The following MACF1 variants were observed in gnomAD, a reference collection of about 807,000 sequenced individuals.
The protein encoded by MACF1 is microtubule-actin cross-linking factor 1.
Under a neutral mutation model 854.8 loss-of-function variants are expected in MACF1, and 193 were observed. That is an observed-to-expected ratio of 0.23 (90% CI 0.20 to 0.25). MACF1 has a LOEUF of 0.25. Among genes scored for constraint, MACF1 ranks in the 10% least tolerant of loss-of-function variants. The pLI is 1.00. For missense variants in MACF1, 7,722 were observed against 8,929.1 expected, an observed-to-expected ratio of 0.86 and a Z score of 5.45; for synonymous variants, 3,185 against 3,226.7, an observed-to-expected ratio of 0.99 and a Z score of 0.44.
At chr1:39,414,775 C>T (rs541865313) in intron 58 of MACF1, among the ~76,000 whole-genome samples, 3 of 152,122 alleles carry the variant, frequency 2.0e-5, no homozygotes, top group Non-Finnish European at 4.4e-5. Flanking sequence ...AGGAAAGGGT[C>T]ATTCTGTTTT....
At chr1:39,240,688 A>G (rs975024302) in intron 2 of MACF1, among the ~76,000 whole-genome samples, 2 of 152,138 alleles carry the variant, frequency 1.3e-5, no homozygotes, top group South Asian at 2.1e-4. Context: ...AGTAGAGAAC[A>G]GGGTTTCTTC....
intron 44 of MACF1, 48 bp downstream of exon 44, chr1:39,353,279 C>A (rs377502217): frequency 7.0e-7 from 1 of 1,425,002 alleles, no homozygotes; most frequent in Non-Finnish European, 9.6e-7. Flanking sequence ...TCTCTCCTGC[C>A]CTGAGCAAGT....
At chr1:39,088,734 G>A (rs1347810906) in intron 2 of MACF1, among the ~76,000 whole-genome samples, 1 of 152,210 alleles carries the variant, frequency 6.6e-6, no homozygotes, top group Non-Finnish European at 1.5e-5. Flanking sequence ...TATCCCTTGG[G>A]ACCTGTGGGG....
At chr1:39,412,007 C>T (rs1205551544) in intron 58 of MACF1, 1 of 1,614,008 alleles carries the variant, frequency 6.2e-7, no homozygotes, top group Non-Finnish European at 8.5e-7. Context: ...AGCCCCAGGA[C>T]TGCAGAATTT....
rs760322027 is a variant in MACF1 at position 39,292,761 on chromosome 1, A to T, written c.1915-5A>T. ...TGTATTTTTATTTCATTCTTTTTTA[A>T]TCAGGGAAAGATGTCCCAGAATTTC... On this transcript the variant is annotated splice_polypyrimidine_tract_variant and splice_region_variant and intron_variant, in intron 16 of 100. Transcript: ENST00000564288. 3 of 1,601,010 alleles carry T rather than the reference A, an allele frequency of 1.9e-6. No individual in the cohort carries two copies. The highest frequency in any genetic ancestry group is 1.1e-5 in the South Asian group (1 of 89,848).
intron 84 of MACF1, 83 bp from the exon 85 acceptor site, chr1:39,450,969 A>T (rs963825204): frequency 4.1e-6 from 6 of 1,470,274 alleles, no homozygotes; most frequent in Non-Finnish European, 5.6e-6. Flanking sequence ...GGTTCAAGCA[A>T]TATTCCCTTT....
intron 2 of MACF1, among the ~76,000 whole-genome samples, chr1:39,140,941 AAAGT>A (rs1488521925): frequency 6.7e-6 from 1 of 149,046 alleles, no homozygotes; most frequent in African/African-American, 2.5e-5. Context: ...AAAAAAAAAA[AAAGT>A]GCCAGTCACT....
At chr1:39,197,943 A>C (rs898108303) in intron 2 of MACF1, among the ~76,000 whole-genome samples, 3 of 152,008 alleles carry the variant, frequency 2.0e-5, no homozygotes, top group Admixed American at 6.6e-5. Context: ...CATGTCTATA[A>C]TCCCTGCACT....
chr1:39,443,472 A>T lies in MACF1; in HGVS notation c.19329A>T (p.Glu6443Asp). ...QQAQGFHSEI[E>D]DFLLELTRME... is the part of the protein sequence containing the mutation. ...CCCAGGGCTTCCACAGTGAAATTGA[A>T]GATTTCCTCTTGGAACTTACTAGAA... Residue 6443 changes from glutamate to aspartate, a missense_variant, in exon 79 of 101, where the codon GAA becomes GAT. Glu to Asp is a conservative substitution (Grantham distance 45). This residue lies in a region of MACF1 where 729 missense variants were observed against 900.5 expected (regional missense o/e 0.81). Transcript: ENST00000564288. 6.2e-7 allele frequency: 1 copy of T among 1,613,272 alleles called. No individual in the cohort carries two copies. The highest frequency in any genetic ancestry group is 8.5e-7 in the Non-Finnish European group (1 of 1,179,758).
chr1:39,336,009 A>G lies in MACF1; in HGVS notation c.9421A>G (p.Arg3141Gly), dbSNP rs145862378. Reference protein sequence around the residue: ...KTDKSFQGTTRQETNYQDSWV... With the variant: ...KTDKSFQGTTGQETNYQDSWV... ...AGACAAGTCTTTCCAAGGAACCACC[A>G]GACAGGAGACCAACTATCAAGATTC... is the stretch of plus-strand genomic sequence containing the variant. The change falls in exon 37 of 101, where the codon AGA (arginine) becomes GGA (glycine). Residue 3141 changes from arginine to glycine, a missense_variant. Around this residue, in one of 15 missense-constraint regions of MACF1, gnomAD observed 854 missense variants for 852.6 expected, o/e 1.00. Coordinates refer to ENST00000564288, the MANE Select transcript of MACF1 (RefSeq NM_001394062.1). 5.8e-4 allele frequency: 930 copies of G among 1,614,208 alleles called. No homozygotes were observed. The highest frequency in any genetic ancestry group is 1.5e-3 in the Admixed American group (92 of 60,024).
At chr1:39,168,834 G>C (rs780245112) in intron 2 of MACF1, among the ~76,000 whole-genome samples, 1 of 152,104 alleles carries the variant, frequency 6.6e-6, no homozygotes, top group Non-Finnish European at 1.5e-5. Flanking sequence ...TCTGTGTGTT[G>C]TACAGGCTGG....
intron 58 of MACF1, among the ~76,000 whole-genome samples, chr1:39,400,459 T>C (rs1642432883): frequency 6.6e-6 from 1 of 152,126 alleles, no homozygotes; most frequent in Non-Finnish European, 1.5e-5. Flanking sequence ...TATCTAGACA[T>C]ATAAATTAGA....
In MACF1 at chr1:39,245,283, A is replaced by G. The variant is rs1352301462; in HGVS notation, c.172-4731A>G. ...CACTTGGTCCTCAAGACCAACTGCA[A>G]TTTATTTTTATTATTATTATTTTTG... On this transcript the variant is annotated intron_variant, in intron 2 of 100. Transcript: ENST00000564288. Among the ~76,000 whole-genome samples the G allele has an allele frequency of 2.6e-5, 4 of 152,084 alleles. No individual in the cohort carries two copies. The East Asian group carries it at 7.8e-4, about 29-fold the overall frequency.
At chr1:39,229,975 T>G (rs1644760087) in intron 1 of MACF1, among the ~76,000 whole-genome samples, 1 of 152,158 alleles carries the variant, frequency 6.6e-6, no homozygotes, top group Non-Finnish European at 1.5e-5. Flanking sequence ...ACTCTTGAGC[T>G]CAAGTGATCC....
intron 1 of MACF1, among the ~76,000 whole-genome samples, chr1:39,216,104 A>C (rs1463911568): frequency 6.6e-6 from 1 of 152,240 alleles, no homozygotes; most frequent in African/African-American, 2.4e-5. Context: ...TAGGGTATAC[A>C]GACTGGTGCT....
intron 57 of MACF1, among the ~76,000 whole-genome samples, chr1:39,386,245 CTT>C (rs59189873): frequency 3.5e-5 from 5 of 143,038 alleles, no homozygotes; most frequent in Non-Finnish European, 4.6e-5. Flanking sequence ...TTGATACCCA[CTT>C]TTTTTTTTTT....
chr1:39,351,091 G>A, intron 43 of MACF1, 73 bp downstream of exon 43: 2 of 1,109,642 alleles, frequency 1.8e-6, no homozygotes, highest in Non-Finnish European at 2.6e-6. Flanking sequence ...AAAAGACAGT[G>A]AGGGGAAAAC....
chr1:39,454,663 G>A (rs1008773883), intron 88 of MACF1, among the ~76,000 whole-genome samples: 4 of 152,118 alleles, frequency 2.6e-5, no homozygotes, highest in African/African-American at 9.7e-5. Flanking sequence ...AGCTGGGTAT[G>A]GTGGCACAAG....
At chr1:39,173,934 T>C (rs1242964785) in intron 2 of MACF1, among the ~76,000 whole-genome samples, 1 of 152,206 alleles carries the variant, frequency 6.6e-6, no homozygotes, top group African/African-American at 2.4e-5. Flanking sequence ...TCTCTCTTTT[T>C]TTTTTCTTAA....
Sources: gnomAD v4.1 joint callset for allele counts (sites outside exome capture counted in the v4.1 genomes callset) on GRCh38, gnomAD v4.1.1 for gene constraint, gnomAD v4.1.1 regional missense constraint, MANE v1.5 for transcripts, NCBI Gene and HGNC (gene_info 2026-07-23, HGNC 2026-07-21) for gene names.